The following TBXAS1 variants were observed in gnomAD, a reference collection of about 807,000 sequenced individuals.
The protein encoded by TBXAS1 is thromboxane A synthase 1, also known as thromboxane-A synthase.
Under a neutral mutation model 60.7 loss-of-function variants are expected in TBXAS1, and 48 were observed. That is an observed-to-expected ratio of 0.79 (90% CI 0.63 to 1.01). The LOEUF (loss-of-function observed/expected upper bound fraction) is 1.01, where lower values mean the gene tolerates loss of function less well. Among genes scored for constraint, TBXAS1 ranks in the 50% least tolerant of loss-of-function variants. TBXAS1 has a pLI of 0.00. For missense variants in TBXAS1, 685 were observed against 686.3 expected, an observed-to-expected ratio of 1.00 and a Z score of 0.02; for synonymous variants, 287 against 269.7, an observed-to-expected ratio of 1.06 and a Z score of -0.63.
At chr7:139,824,975 A>G (rs1273427537), upstream of TBXAS1, among the ~76,000 whole-genome samples, 6 of 151,274 alleles carry the variant, frequency 4.0e-5, no homozygotes, top group East Asian at 9.7e-4. Context: ...GATTACAGGC[A>G]CCTGCCATCA....
chr7:139,816,952 A>G (rs906790470), intron 4 of TBXAS1, among the ~76,000 whole-genome samples: 1 of 152,132 alleles, frequency 6.6e-6, no homozygotes, highest in African/African-American at 2.4e-5. Context: ...AGAATTTTCC[A>G]GCAAGTAGAA....
intron 4 of TBXAS1, among the ~76,000 whole-genome samples, chr7:139,787,795 T>C (rs956287332): frequency 5.9e-5 from 9 of 152,238 alleles, no homozygotes; most frequent in Non-Finnish European, 7.3e-5. Context: ...CTTTTTCCTG[T>C]GGATTTCTTC....
chr7:139,782,090 G>T (rs913133557), intron 2 of TBXAS1, among the ~76,000 whole-genome samples: 1 of 151,742 alleles, frequency 6.6e-6, no homozygotes, highest in East Asian at 1.9e-4. Context: ...CAATGAGAGG[G>T]GTCTGGGAGC....
At chr7:139,872,461 C>A (rs1801896108) in intron 2 of TBXAS1, 133 bp downstream of exon 2, 1 of 803,000 alleles carries the variant, frequency 1.2e-6, no homozygotes, top group Non-Finnish European at 2.1e-6. Context: ...TCGAGACCAG[C>A]CTGACCAACA....
chr7:139,988,813 G>A (rs778675806), intron 9 of TBXAS1, among the ~76,000 whole-genome samples: 3 of 152,182 alleles, frequency 2.0e-5, no homozygotes, highest in Admixed American at 6.5e-5. Flanking sequence ...CTGTAGTCCA[G>A]GCCAGAGGGC....
intron 1 of TBXAS1, among the ~76,000 whole-genome samples, chr7:139,867,536 G>C (rs960326268): frequency 2.4e-4 from 36 of 152,160 alleles, no homozygotes; most frequent in African/African-American, 8.2e-4. Context: ...GAAGGTTTTA[G>C]GCTGGGCACG....
intron 1 of TBXAS1, 109 bp downstream of exon 1, chr7:139,829,588 C>A: frequency 9.8e-7 from 1 of 1,017,980 alleles, no homozygotes; most frequent in Non-Finnish European, 1.5e-6. Context: ...CTTTTCTAAT[C>A]TAGCGGGAGT....
intron 1 of TBXAS1, among the ~76,000 whole-genome samples, chr7:139,841,020 T>G (rs1799405095): frequency 6.6e-6 from 1 of 152,142 alleles, no homozygotes; most frequent in Non-Finnish European, 1.5e-5. Flanking sequence ...GAAAAGCAAG[T>G]CAGGTGCCAT....
At chr7:139,788,998 C>T (rs1238345481) in intron 4 of TBXAS1, among the ~76,000 whole-genome samples, 1 of 149,478 alleles carries the variant, frequency 6.7e-6, no homozygotes, top group Non-Finnish European at 1.5e-5. Flanking sequence ...AGTTTAAGTG[C>T]CCACCTTATA....
chr7:139,971,922 C>G (rs1021589712), intron 9 of TBXAS1, among the ~76,000 whole-genome samples: 32 of 152,278 alleles, frequency 2.1e-4, no homozygotes, highest in African/African-American at 7.5e-4. Flanking sequence ...ATCTTCTCTG[C>G]TCCTGCTCCA....
intron 5 of TBXAS1, 33 bp downstream of exon 5, chr7:139,936,340 T>A (rs1479658994): frequency 6.2e-7 from 1 of 1,602,900 alleles, no homozygotes; most frequent in Non-Finnish European, 8.5e-7. Flanking sequence ...TCTCTTCTCT[T>A]ACGGAGCAGG....
chr7:139,813,074 TAAATAAAATAAAATAAAATAAAATA>T (rs56001115), intron 4 of TBXAS1, among the ~76,000 whole-genome samples: 2,599 of 143,026 alleles, frequency 0.018, 33 homozygotes, highest in Admixed American at 0.026. Context: ...TAAAATAAAA[TAAATAAAATAAAATAAAATAAAATA>T]AAATAAAATA....
intron 5 of TBXAS1, among the ~76,000 whole-genome samples, chr7:139,951,548 G>A (rs556500219): frequency 7.6e-6 from 1 of 130,786 alleles, no homozygotes; most frequent in East Asian, 2.3e-4. Flanking sequence ...ACGAGGTCAG[G>A]AGTTCTAGAT....
intron 5 of TBXAS1, among the ~76,000 whole-genome samples, chr7:139,943,009 G>T (rs1808412077): frequency 6.6e-6 from 1 of 152,134 alleles, no homozygotes; most frequent in African/African-American, 2.4e-5. Flanking sequence ...CAGAATTACA[G>T]TCATCATCAC....
At chr7:139,804,874 T>A (rs531643126) in intron 4 of TBXAS1, among the ~76,000 whole-genome samples, 1 of 152,370 alleles carries the variant, frequency 6.6e-6, no homozygotes, top group Non-Finnish European at 1.5e-5. Context: ...GTCTTGGTAT[T>A]TCTTCATAGC....
At chr7:139,869,835 T>G (rs1801692687) in intron 1 of TBXAS1, among the ~76,000 whole-genome samples, 1 of 152,180 alleles carries the variant, frequency 6.6e-6, no homozygotes. Flanking sequence ...TTCATTGATT[T>G]TGGGTTAAGA....
At chr7:139,973,048 G>T (rs918387273) in intron 9 of TBXAS1, among the ~76,000 whole-genome samples, 1 of 151,948 alleles carries the variant, frequency 6.6e-6, no homozygotes, top group African/African-American at 2.4e-5. Flanking sequence ...GGAGATGGAG[G>T]CAGGTTGAAG....
chr7:139,779,937 G>A (rs532202181), intron 1 of TBXAS1, among the ~76,000 whole-genome samples: 1 of 152,080 alleles, frequency 6.6e-6, no homozygotes, highest in Non-Finnish European at 1.5e-5. Context: ...TTTCCCAGAG[G>A]GGTACCTTCT....
chr7:139,982,796 G>A (rs913762482), intron 9 of TBXAS1, among the ~76,000 whole-genome samples: 5 of 152,118 alleles, frequency 3.3e-5, no homozygotes, highest in African/African-American at 9.7e-5. Flanking sequence ...GAAAATGAAC[G>A]AGGAGGTTTT....
Sources: allele counts gnomAD v4.1 joint callset (sites outside exome capture counted in the v4.1 genomes callset), GRCh38; gene constraint gnomAD v4.1.1; transcripts MANE v1.5; gene names NCBI Gene and HGNC (gene_info 2026-07-23, HGNC 2026-07-21).